The following POU2F1 variants were observed in gnomAD, a reference collection of about 807,000 sequenced individuals.
The protein encoded by POU2F1 is POU domain, class 2, transcription factor 1.
A neutral mutation model predicts 84.9 loss-of-function variants in POU2F1; 16 were observed. That is an observed-to-expected ratio of 0.19 (90% CI 0.13 to 0.29). The LOEUF is 0.29. Ranked by LOEUF, POU2F1 falls within the 10% of genes least tolerant of loss-of-function variation. POU2F1 has a pLI of 1.00. For synonymous variants in POU2F1, 368 were observed against 368.3 expected, an observed-to-expected ratio of 1.00 and a Z score of 0.01; for missense variants, 738 against 942.6, an observed-to-expected ratio of 0.78 and a Z score of 2.84.
At chr1:167,326,730 G>C (rs1656732136) in intron 1 of POU2F1, among the ~76,000 whole-genome samples, 1 of 152,140 alleles carries the variant, frequency 6.6e-6, no homozygotes, top group South Asian at 2.1e-4. Context: ...CCCTTAGCCT[G>C]AGGAGGAGGC....
intron 1 of POU2F1, among the ~76,000 whole-genome samples, chr1:167,258,632 T>A (rs551391180): frequency 6.6e-6 from 1 of 152,334 alleles, no homozygotes; most frequent in East Asian, 1.9e-4. Flanking sequence ...AATCTTTTCT[T>A]TGAAGGGTCA....
At chr1:167,373,715 G>A (rs1408737812) in intron 5 of POU2F1, among the ~76,000 whole-genome samples, 1 of 152,146 alleles carries the variant, frequency 6.6e-6, no homozygotes, top group Admixed American at 6.5e-5. Flanking sequence ...GGCCTTATCA[G>A]TTCTTTCCTT....
chr1:167,250,550 G>A (rs1650649404), intron 1 of POU2F1, among the ~76,000 whole-genome samples: 1 of 152,162 alleles, frequency 6.6e-6, no homozygotes, highest in Non-Finnish European at 1.5e-5. Context: ...TTCATTTGTT[G>A]TTGACATTCC....
chr1:167,389,549 C>A, intron 8 of POU2F1, 39 bp from the exon 9 acceptor site: 6 of 1,610,096 alleles, frequency 3.7e-6, no homozygotes, highest in East Asian at 2.2e-5. Flanking sequence ...AATATCTCTT[C>A]ACGTGTTTTT....
At chr1:167,343,991 G>A (rs762865062) in intron 2 of POU2F1, among the ~76,000 whole-genome samples, 3 of 152,036 alleles carry the variant, frequency 2.0e-5, no homozygotes, top group Non-Finnish European at 4.4e-5. Flanking sequence ...CTCTTCTAAG[G>A]TGTTGAAAGG....
chr1:167,255,940 A>G (rs1020797412), intron 1 of POU2F1, among the ~76,000 whole-genome samples: 1 of 152,142 alleles, frequency 6.6e-6, no homozygotes, highest in Non-Finnish European at 1.5e-5. Context: ...GGTGTAGAGA[A>G]CATCTGTGTT....
chr1:167,280,446 A>G (rs542866729), intron 1 of POU2F1, among the ~76,000 whole-genome samples: 1 of 152,008 alleles, frequency 6.6e-6, no homozygotes, highest in East Asian at 1.9e-4. Flanking sequence ...ACTTCCCACT[A>G]GTGAACATGT....
chr1:167,307,222 A>G (rs1377786121), intron 1 of POU2F1, among the ~76,000 whole-genome samples: 1 of 152,216 alleles, frequency 6.6e-6, no homozygotes, highest in African/African-American at 2.4e-5. Flanking sequence ...TTCAAAACCC[A>G]GTGCTTAGAT....
At chr1:167,345,599 C>T (rs1483872920) in intron 2 of POU2F1, among the ~76,000 whole-genome samples, 1 of 152,108 alleles carries the variant, frequency 6.6e-6, no homozygotes. Context: ...AAGCTGCTAC[C>T]GTTTAACTGG....
chr1:167,401,707 C>T, intron 13 of POU2F1, 151 bp downstream of exon 13: 1 of 493,360 alleles, frequency 2.0e-6, no homozygotes, highest in Non-Finnish European at 3.5e-6. Flanking sequence ...AACTCCTTTC[C>T]TTAAAAGCCT....
At chr1:167,252,317 G>A (rs147238272) in intron 1 of POU2F1, among the ~76,000 whole-genome samples, 51 of 152,222 alleles carry the variant, frequency 3.4e-4, no homozygotes, top group African/African-American at 1.1e-3. Context: ...TTTGCTATTA[G>A]GATTATCTGA....
At chr1:167,270,078 C>T (rs910860096) in intron 1 of POU2F1, among the ~76,000 whole-genome samples, 2 of 151,956 alleles carry the variant, frequency 1.3e-5, no homozygotes, top group African/African-American at 4.8e-5. Flanking sequence ...AGAGGTGATT[C>T]AGTGGTGTTA....
chr1:167,336,870 A>G lies in POU2F1; in HGVS notation c.127+4335A>G, dbSNP rs191918759. 4.2e-3 allele frequency among the ~76,000 whole-genome samples: 635 copies of G among 152,110 alleles called. 10 individuals are homozygous for G. The highest frequency in any genetic ancestry group is 0.015 in the African/African-American group (614 of 41,470). ...ATGGTGAAACCCTGCCTCTACTAAAAATATAAAAAACTAAGCCAGGCGCCA... is the reference window on the plus strand; with the variant it reads ...ATGGTGAAACCCTGCCTCTACTAAAGATATAAAAAACTAAGCCAGGCGCCA... On this transcript the variant is annotated intron_variant, in intron 2 of 15. Transcript: ENST00000367866.
At chr1:167,299,989 T>C (rs1654568196) in intron 1 of POU2F1, among the ~76,000 whole-genome samples, 1 of 152,196 alleles carries the variant, frequency 6.6e-6, no homozygotes, top group Non-Finnish European at 1.5e-5. Flanking sequence ...CTGTGCACTG[T>C]TCACAATAGC....
chr1:167,315,140 A>G (rs1655795046), intron 1 of POU2F1, among the ~76,000 whole-genome samples: 2 of 152,190 alleles, frequency 1.3e-5, no homozygotes, highest in South Asian at 4.1e-4. Context: ...ACCTGAGCCA[A>G]TTAAACCTCT....
intron 1 of POU2F1, among the ~76,000 whole-genome samples, chr1:167,262,712 G>C (rs187410488): frequency 1.4e-3 from 209 of 152,254 alleles, no homozygotes; most frequent in Non-Finnish European, 1.9e-3. Context: ...GAAGAAAGAT[G>C]CTTAGAGTGG....
At chr1:167,301,792 G>A (rs541621163) in intron 1 of POU2F1, among the ~76,000 whole-genome samples, 13 of 151,942 alleles carry the variant, frequency 8.6e-5, no homozygotes, top group Non-Finnish European at 1.8e-4. Context: ...TCAATTTTTC[G>A]CTATTCCTTA....
At chr1:167,297,591 G>C (rs149725106) in intron 1 of POU2F1, among the ~76,000 whole-genome samples, 14 of 152,298 alleles carry the variant, frequency 9.2e-5, no homozygotes, top group African/African-American at 2.6e-4. Context: ...ATAAAAATTT[G>C]AAATGCAGTT....
chr1:167,341,645 GAT>G, intron 2 of POU2F1, among the ~76,000 whole-genome samples: 1 of 152,190 alleles, frequency 6.6e-6, no homozygotes, highest in Non-Finnish European at 1.5e-5. Flanking sequence ...CTGGCCACAT[GAT>G]AGTGTCTAGG....
Sources: gnomAD v4.1 joint callset for allele counts (sites outside exome capture counted in the v4.1 genomes callset) on GRCh38, gnomAD v4.1.1 for gene constraint, MANE v1.5 for transcripts, NCBI Gene and HGNC (gene_info 2026-07-23, HGNC 2026-07-21) for gene names.